Variants in RIMS2 observed in about 807,000 individuals in gnomAD.
RIMS2 encodes regulating synaptic membrane exocytosis 2.
In RIMS2, 59 loss-of-function variants were observed where a neutral mutation model predicts 174.4. The observed-to-expected ratio is 0.34, with a 90% CI of 0.27 to 0.42. RIMS2 has a LOEUF of 0.42. Among genes scored for constraint, RIMS2 ranks in the 10% least tolerant of loss-of-function variants. The probability of loss-of-function intolerance (pLI) is 1.00; values close to 1 mark genes in which losing one functional copy is unlikely to be tolerated. For missense variants in RIMS2, 1,620 were observed against 1,666.3 expected, an observed-to-expected ratio of 0.97 and a Z score of 0.48; for synonymous variants, 606 against 572.5, an observed-to-expected ratio of 1.06 and a Z score of -0.84.
At chr8:103,826,698 A>G (rs2098793048) in intron 3 of RIMS2, among the ~76,000 whole-genome samples, 1 of 149,286 alleles carries the variant, frequency 6.7e-6, no homozygotes, top group Admixed American at 6.7e-5. Context: ...ATATATATAT[A>G]TGTATATATT....
intron 19 of RIMS2, among the ~76,000 whole-genome samples, chr8:104,150,502 C>T (rs548067955): frequency 6.6e-6 from 1 of 152,220 alleles, no homozygotes; most frequent in Non-Finnish European, 1.5e-5. Flanking sequence ...GGCCACTTGA[C>T]TCAACCTGGA....
intron 1 of RIMS2, among the ~76,000 whole-genome samples, chr8:103,541,310 C>T (rs148537044): frequency 6.6e-6 from 1 of 152,292 alleles, no homozygotes; most frequent in Non-Finnish European, 1.5e-5. Flanking sequence ...AGAAACCTTA[C>T]AAGCCAGGAA....
chr8:103,831,135 T>C (rs2098823292), intron 3 of RIMS2, among the ~76,000 whole-genome samples: 1 of 152,208 alleles, frequency 6.6e-6, no homozygotes, highest in African/African-American at 2.4e-5. Flanking sequence ...ATTGACATTA[T>C]AGGAAAAGCT....
chr8:103,960,103 G>A lies in RIMS2; in HGVS notation c.2702-962G>A, dbSNP rs553992862. On this transcript the variant is annotated intron_variant, in intron 14 of 23. Transcript: ENST00000504942. ...AAAAGATCGACAAAATTGATAGACC[G>A]CTAGCAAGACTAATAAAGAATTCTG... Among the ~76,000 whole-genome samples the A allele has an allele frequency of 3.2e-3, 486 of 152,240 alleles. 2 individuals are homozygous for A. Among genetic ancestry groups the A allele is most frequent in the Non-Finnish European group, 4.9e-3 (333 of 68,014 alleles).
rs542511551 is a variant in RIMS2, at chr8:104,223,434, C to T, written c.3335-21482C>T. The T allele has an allele frequency of 6.3e-4, 818 of 1,307,758 alleles. 13 individuals are homozygous for T. The South Asian group carries it at 0.017, about 27-fold the overall frequency. 81.0% of individuals were successfully genotyped at this position (1,307,758 alleles called of 1,614,324 possible). On this transcript the variant is annotated intron_variant, in intron 19 of 23. Coordinates refer to ENST00000504942, the Ensembl canonical transcript of RIMS2. ...CTCCGCCCGCCACCGCCTCCATCTC[C>T]TCCTCTGGACCCCTCTCCAATAAAT...
chr8:103,508,916 C>T (rs1043313855), intron 1 of RIMS2, among the ~76,000 whole-genome samples: 7 of 151,970 alleles, frequency 4.6e-5, no homozygotes, highest in African/African-American at 1.4e-4. Context: ...GCCAGACTTG[C>T]GTAACTGACT....
chr8:103,693,380 C>A (rs10090039), intron 1 of RIMS2, among the ~76,000 whole-genome samples: 26,895 of 152,036 alleles, frequency 0.18, 2,581 homozygotes, highest in African/African-American at 0.24. Context: ...TCCTTATGAC[C>A]GTGCTTTTTT....
intron 19 of RIMS2, among the ~76,000 whole-genome samples, chr8:104,066,465 A>G (rs1290227668): frequency 6.6e-6 from 1 of 152,096 alleles, no homozygotes; most frequent in African/African-American, 2.4e-5. Context: ...TTTTTGAGAA[A>G]CTTTCCAAAC....
intron 3 of RIMS2, among the ~76,000 whole-genome samples, chr8:103,851,747 TAAACC>T (rs2098999696): frequency 6.6e-6 from 1 of 150,858 alleles, no homozygotes; most frequent in Non-Finnish European, 1.5e-5. Flanking sequence ...TGAAATAAAT[TAAACC>T]AAACAAATTA....
chr8:103,758,246 A>G (rs949371488), intron 2 of RIMS2, among the ~76,000 whole-genome samples: 3 of 152,160 alleles, frequency 2.0e-5, no homozygotes, highest in Non-Finnish European at 2.9e-5. Flanking sequence ...GCCTTCATGC[A>G]GTCTCTGGGA....
At chr8:103,799,664 G>C (rs2098591420) in intron 3 of RIMS2, among the ~76,000 whole-genome samples, 1 of 152,174 alleles carries the variant, frequency 6.6e-6, no homozygotes, top group South Asian at 2.1e-4. Flanking sequence ...ATATGAGGGG[G>C]TATTTTTGTT....
chr8:103,785,078 A>T lies in RIMS2; in HGVS notation c.698+18541A>T, dbSNP rs1156858853. 2.7e-3 allele frequency among the ~76,000 whole-genome samples: 387 copies of T among 141,262 alleles called. 36 individuals are homozygous for T. Among genetic ancestry groups the T allele is most frequent in the Middle Eastern group, 3.7e-3 (1 of 268 alleles). 92.7% of individuals were successfully genotyped at this position (141,262 alleles called of 152,430 possible). On this transcript the variant is annotated intron_variant, in intron 3 of 23. Transcript: ENST00000504942. Reference sequence around the variant, plus strand: ...TGATTTGGCTCTCTGTTTGTCTGTTATTGGTGCGTAAGAATGCTTGTGATT... The same window carrying T: ...TGATTTGGCTCTCTGTTTGTCTGTTTTTGGTGCGTAAGAATGCTTGTGATT...
intron 19 of RIMS2, chr8:104,223,864 G>A: frequency 6.1e-6 from 8 of 1,307,954 alleles, no homozygotes; most frequent in Middle Eastern, 1.9e-4. Context: ...GGGTTGGCCG[G>A]GGCAGAGAGA....
At chr8:104,182,936 T>A (rs1373646763) in intron 19 of RIMS2, among the ~76,000 whole-genome samples, 1 of 151,772 alleles carries the variant, frequency 6.6e-6, no homozygotes, top group African/African-American at 2.4e-5. Context: ...ATATAAGCCA[T>A]GGAACAGCTG....
At chr8:103,567,817 A>G (rs557290247) in intron 1 of RIMS2, among the ~76,000 whole-genome samples, 5 of 152,262 alleles carry the variant, frequency 3.3e-5, no homozygotes, top group African/African-American at 1.2e-4. Context: ...ATCCTTCTCA[A>G]CACTTGTTAT....
chr8:104,221,596 G>A (rs545154858), intron 19 of RIMS2, among the ~76,000 whole-genome samples: 3 of 152,052 alleles, frequency 2.0e-5, no homozygotes, highest in Non-Finnish European at 4.4e-5. Flanking sequence ...GATAAATAAC[G>A]AAAAGAAAAT....
chr8:104,242,793 T>C (rs1010956257), intron 19 of RIMS2, among the ~76,000 whole-genome samples: 1 of 152,248 alleles, frequency 6.6e-6, no homozygotes, highest in African/African-American at 2.4e-5. Flanking sequence ...GTATTTTATA[T>C]CTGGAGGTGC....
chr8:103,846,569 G>A (rs1186211317), intron 3 of RIMS2, among the ~76,000 whole-genome samples: 1 of 152,086 alleles, frequency 6.6e-6, no homozygotes, highest in African/African-American at 2.4e-5. Flanking sequence ...GATACTATGT[G>A]CAATTAGCAG....
At position 104,153,442 on chromosome 8, in the gene RIMS2, C is replaced by A. The variant is rs7830082; in HGVS notation, c.3335-91474C>A. 3.3e-3 allele frequency among the ~76,000 whole-genome samples: 500 copies of A among 152,170 alleles called. 4 individuals are homozygous for A. Among genetic ancestry groups the A allele is most frequent in the African/African-American group, 0.011 (459 of 41,534 alleles). On this transcript the variant is annotated intron_variant, in intron 19 of 23. Coordinates refer to ENST00000504942, the Ensembl canonical transcript of RIMS2. ...AATATTTTTAAATGTAAGAAAAGTA[C>A]ATTAAAATCACATGGTAGATATAAG...
Sources: allele counts gnomAD v4.1 joint callset (sites outside exome capture counted in the v4.1 genomes callset), GRCh38; gene constraint gnomAD v4.1.1; transcripts MANE v1.5; gene names NCBI Gene and HGNC (gene_info 2026-07-23, HGNC 2026-07-21).